JMJD1C: variants seen among roughly 807,000 people sequenced by gnomAD.
The protein encoded by JMJD1C is jumonji domain-containing protein 1C.
JMJD1C carries 31 observed loss-of-function variants against 245.3 expected under a neutral mutation model. The ratio of observed to expected loss-of-function variants is 0.13; its 90% CI spans 0.09 to 0.17. The LOEUF (loss-of-function observed/expected upper bound fraction) is 0.17, where lower values mean the gene tolerates loss of function less well. Ranked by LOEUF, JMJD1C falls within the 10% of genes least tolerant of loss-of-function variation. JMJD1C has a pLI of 1.00. For missense variants in JMJD1C, 2,691 were observed against 3,000.2 expected, an observed-to-expected ratio of 0.90 and a Z score of 2.41; for synonymous variants, 1,057 against 1,017.4, an observed-to-expected ratio of 1.04 and a Z score of -0.74.
intron 25 of JMJD1C, 74 bp from the exon 26 acceptor site, chr10:63,168,208 TA>T (rs934783119): frequency 2.5e-6 from 3 of 1,214,744 alleles, no homozygotes; most frequent in East Asian, 2.3e-5. Context: ...CTTCCAGATT[TA>T]AAAAAATAAT....
rs368927891 is a variant in JMJD1C, at chr10:63,206,625, T to C, written c.5044A>G (p.Ser1682Gly). Residue 1682 changes from serine to glycine, a missense_variant, in exon 10 of 26, where the codon AGT (serine) becomes GGT (glycine). Coordinates refer to ENST00000399262, the MANE Select transcript of JMJD1C (RefSeq NM_032776.3). ...GVLSRSAKERSKLKLQSNSNT... is the reference protein window; with the variant it reads ...GVLSRSAKERGKLKLQSNSNT... The stretch of plus-strand genomic sequence containing the variant: ...CTGTTGCTTTGCAACTTCAGTTTAC[T>C]TCTTTCTTTGGCACTCCTGCTGAGA... 1 of 1,596,764 alleles carries C rather than the reference T, an allele frequency of 6.3e-7. No individual in the cohort carries two copies. Among genetic ancestry groups the C allele is most frequent in the Non-Finnish European group, 8.5e-7 (1 of 1,175,138 alleles).
At chr10:63,438,175 C>T (rs191605526) in intron 1 of JMJD1C, among the ~76,000 whole-genome samples, 17 of 152,198 alleles carry the variant, frequency 1.1e-4, no homozygotes, top group Admixed American at 1.0e-3. Context: ...GTATTATTAC[C>T]GCTATCACCA....
At chr10:63,427,801 A>ATAT in intron 1 of JMJD1C, 2 of 1,240,018 alleles carry the variant, frequency 1.6e-6, no homozygotes, top group Non-Finnish European at 2.4e-6. Context: ...CTTGGCAAAG[A>ATAT]TGAAATGCAA....
intron 10 of JMJD1C, chr10:63,204,627 T>C (rs1035563054): frequency 3.0e-6 from 3 of 984,944 alleles, no homozygotes; most frequent in Non-Finnish European, 3.6e-6. Context: ...TGAGGGAGAG[T>C]AAGGGGAACA....
At chr10:63,424,766 G>C (rs1160005022) in intron 1 of JMJD1C, among the ~76,000 whole-genome samples, 5 of 152,036 alleles carry the variant, frequency 3.3e-5, no homozygotes, top group Non-Finnish European at 7.4e-5. Flanking sequence ...AGTATAAACT[G>C]CTCAATCAGC....
rs750633732 is a variant in JMJD1C, at chr10:63,207,559, T to G, written c.4110A>C (p.Lys1370Asn). The G allele has an allele frequency of 6.2e-7, 1 of 1,614,204 alleles. No homozygotes were observed. The highest frequency in any genetic ancestry group is 1.1e-5 in the South Asian group (1 of 91,086). Residue 1370 changes from lysine to asparagine, a missense_variant, in exon 10 of 26, where the codon AAA becomes AAC. Around this residue, in one of 9 missense-constraint regions of JMJD1C, gnomAD observed 1,562 missense variants for 1,490.7 expected, o/e 1.05. Transcript: ENST00000399262. ...TGCCCTGTGAGACAGCCTGAAAGTT[T>G]TTTTCAGATTTTGTGTGAACACTGT... ...NSDSVHTKSE[K>N]NFQAVSQGSV...
At chr10:63,203,647 G>A in intron 10 of JMJD1C, 4 of 977,912 alleles carry the variant, frequency 4.1e-6, no homozygotes, top group Non-Finnish European at 4.9e-6. Flanking sequence ...AAAAATTAGT[G>A]GAGAAAAAGC....
At chr10:63,279,968 G>A (rs974054756) in intron 2 of JMJD1C, among the ~76,000 whole-genome samples, 23 of 151,986 alleles carry the variant, frequency 1.5e-4, no homozygotes, top group African/African-American at 5.6e-4. Context: ...TGGCCAACAT[G>A]GTGAAACCCT....
At chr10:63,464,434 C>CA (rs1161902165) in intron 1 of JMJD1C, among the ~76,000 whole-genome samples, 1 of 122,862 alleles carries the variant, frequency 8.1e-6, no homozygotes, top group Non-Finnish European at 1.9e-5. Context: ...TTCATGCACA[C>CA]AAAGGGAAAA....
rs1257059361 is a variant in JMJD1C at position 63,167,590 on chromosome 10, G to A, written c.*455C>T. The A allele has an allele frequency of 6.5e-6, 1 of 153,354 alleles. No homozygotes were observed. Among genetic ancestry groups the A allele is most frequent in the Non-Finnish European group, 1.5e-5 (1 of 68,600 alleles). 9.5% of individuals were successfully genotyped at this position (153,354 alleles called of 1,614,324 possible). ...ATTTTCTGATTATGACATGACTGCT[G>A]TGCGATTCAGCAATTTCCCAGATGC... is the stretch of plus-strand genomic sequence containing the variant. On this transcript the variant is annotated 3_prime_UTR_variant, in exon 26 of 26. Coordinates refer to ENST00000399262, the MANE Select transcript of JMJD1C (RefSeq NM_032776.3).
At chr10:63,229,728 T>A (rs1197845763) in intron 3 of JMJD1C, among the ~76,000 whole-genome samples, 6 of 152,186 alleles carry the variant, frequency 3.9e-5, no homozygotes, top group African/African-American at 1.4e-4. Context: ...AAAAGGATTG[T>A]TGTACCAGGG....
intron 1 of JMJD1C, among the ~76,000 whole-genome samples, chr10:63,391,501 C>A (rs569298929): frequency 7.6e-6 from 1 of 131,274 alleles, no homozygotes; most frequent in African/African-American, 2.7e-5. Flanking sequence ...CAGAGTGAGA[C>A]TCCGTCTCAA....
At chr10:63,316,258 G>C (rs1267082975) in intron 2 of JMJD1C, among the ~76,000 whole-genome samples, 1 of 152,168 alleles carries the variant, frequency 6.6e-6, no homozygotes, top group Non-Finnish European at 1.5e-5. Flanking sequence ...AAAATTTTTT[G>C]ATTAGTTAGA....
At chr10:63,252,852 G>A (rs1049144132) in intron 3 of JMJD1C, among the ~76,000 whole-genome samples, 2 of 152,224 alleles carry the variant, frequency 1.3e-5, no homozygotes, top group Admixed American at 1.3e-4. Context: ...ACCTGAAAGA[G>A]AATCAAGTAT....
chr10:63,216,554 C>CA (rs1447526790), intron 5 of JMJD1C, among the ~76,000 whole-genome samples: 1 of 151,626 alleles, frequency 6.6e-6, no homozygotes, highest in Admixed American at 6.6e-5. Context: ...ACTAAAAATA[C>CA]AAAAAAATAG....
intron 2 of JMJD1C, among the ~76,000 whole-genome samples, chr10:63,331,512 G>T (rs912442376): frequency 6.6e-6 from 1 of 152,118 alleles, no homozygotes; most frequent in Non-Finnish European, 1.5e-5. Context: ...TTTCAGGGAA[G>T]TCCACAAATC....
chr10:63,230,541 T>C (rs977739367), intron 3 of JMJD1C, among the ~76,000 whole-genome samples: 4 of 152,158 alleles, frequency 2.6e-5, no homozygotes, highest in African/African-American at 7.2e-5. Context: ...TTTCATAAAA[T>C]GGTAACTGTA....
At chr10:63,259,430 C>T (rs1854414061) in intron 3 of JMJD1C, among the ~76,000 whole-genome samples, 1 of 152,040 alleles carries the variant, frequency 6.6e-6, no homozygotes. Flanking sequence ...AAATACATGT[C>T]TCTGGTACAC....
At chr10:63,521,546 A>C in intron 1 of JMJD1C, 1 of 1,426,710 alleles carries the variant, frequency 7.0e-7, no homozygotes. Flanking sequence ...CCCCGTGAAG[A>C]TGGTGTCCTG....
Sources: allele counts gnomAD v4.1 joint callset (sites outside exome capture counted in the v4.1 genomes callset), GRCh38; gene constraint gnomAD v4.1.1; regional missense constraint gnomAD v4.1.1; transcripts MANE v1.5; gene names NCBI Gene and HGNC (gene_info 2026-07-23, HGNC 2026-07-21).